The following CAMKMT variants were observed in gnomAD, a reference collection of about 807,000 sequenced individuals.
The protein encoded by CAMKMT is calmodulin-lysine N-methyltransferase.
CAMKMT carries 53 observed loss-of-function variants against 48.0 expected under a neutral mutation model. The ratio of observed to expected loss-of-function variants is 1.10; its 90% CI spans 0.89 to 1.39. The LOEUF (loss-of-function observed/expected upper bound fraction) is 1.39. CAMKMT is among the 40% of genes most tolerant of loss of function. The pLI, the probability that CAMKMT is intolerant of heterozygous loss-of-function variation, is 0.00. For missense variants in CAMKMT, 428 were observed against 402.7 expected (o/e 1.06, Z -0.54); for synonymous variants, 165 against 152.3 (o/e 1.08, Z -0.61).
rs149057813 is a variant in CAMKMT, at chr2:44,555,625, G to A, written c.377-148658G>A. On this transcript the variant is annotated intron_variant, in intron 3 of 10. Coordinates refer to ENST00000378494, the MANE Select transcript of CAMKMT (RefSeq NM_024766.5). ...CTTCAAATGAATGTGGGTTGAAGCC[G>A]TGAGAGTGGGTGAGATTAAGAAAAG... Among the ~76,000 whole-genome samples, 148 of 152,246 alleles carry A rather than the reference G, an allele frequency of 9.7e-4. 1 individual carries two copies. The highest frequency in any genetic ancestry group is 3.4e-3 in the Middle Eastern group (1 of 294).
Position 44,670,318 on chromosome 2 carries a change from C to G in CAMKMT, c.377-33965C>G, listed in dbSNP as rs147938617. 7.1e-3 allele frequency among the ~76,000 whole-genome samples: 1,086 copies of G among 152,178 alleles called. 6 individuals are homozygous for G. The highest frequency in any genetic ancestry group is 0.012 in the Non-Finnish European group (849 of 68,002). Reference sequence around the variant, plus strand: ...GACTGGGCTGGGTGTGGTGGCTCCACCTATAATCTCAATACTTTTGGAGGC... The same window carrying G: ...GACTGGGCTGGGTGTGGTGGCTCCAGCTATAATCTCAATACTTTTGGAGGC... On this transcript the variant is annotated intron_variant, in intron 3 of 10. Transcript: ENST00000378494.
intron 2 of CAMKMT, among the ~76,000 whole-genome samples, chr2:44,375,845 GC>G (rs1249886768): frequency 1.3e-5 from 2 of 151,956 alleles, no homozygotes; most frequent in African/African-American, 4.8e-5. Flanking sequence ...GAGTGCAGTA[GC>G]CCATTCTCAG....
chr2:44,640,312 C>T (rs761825721), intron 3 of CAMKMT, among the ~76,000 whole-genome samples: 1 of 152,032 alleles, frequency 6.6e-6, no homozygotes, highest in African/African-American at 2.4e-5. Flanking sequence ...GATTTTGTTC[C>T]CCTTTTATGT....
chr2:44,725,207 C>T (rs568303819), intron 7 of CAMKMT, among the ~76,000 whole-genome samples: 6 of 148,040 alleles, frequency 4.1e-5, no homozygotes, highest in Admixed American at 1.3e-4. Context: ...AGTGCTATAT[C>T]GGTCTTACAT....
At chr2:44,565,924 G>T (rs1199470588) in intron 3 of CAMKMT, among the ~76,000 whole-genome samples, 1 of 152,116 alleles carries the variant, frequency 6.6e-6, no homozygotes, top group Non-Finnish European at 1.5e-5. Context: ...CTACAATATT[G>T]TTTTGTCATG....
chr2:44,374,364 A>G (rs578233153), intron 2 of CAMKMT, among the ~76,000 whole-genome samples: 22 of 152,326 alleles, frequency 1.4e-4, no homozygotes, highest in African/African-American at 5.3e-4. Flanking sequence ...AGTGATCCTT[A>G]CAATAACTTT....
intron 3 of CAMKMT, among the ~76,000 whole-genome samples, chr2:44,566,340 G>C (rs918202249): frequency 3.9e-5 from 6 of 152,142 alleles, no homozygotes; most frequent in African/African-American, 1.4e-4. Context: ...TGTTGCTTTG[G>C]CTTTGTTCCA....
chr2:44,615,181 C>G (rs1477899293), intron 3 of CAMKMT, among the ~76,000 whole-genome samples: 1 of 151,972 alleles, frequency 6.6e-6, no homozygotes, highest in Admixed American at 6.6e-5. Context: ...CGACCTCAGC[C>G]TCCCAAAGCA....
chr2:44,363,039 C>G (rs1474395430), intron 1 of CAMKMT, among the ~76,000 whole-genome samples: 1 of 152,170 alleles, frequency 6.6e-6, no homozygotes, highest in African/African-American at 2.4e-5. Context: ...TGCCACTTTA[C>G]TTGAGATTGT....
At chr2:44,644,547 T>C (rs1326593852) in intron 3 of CAMKMT, among the ~76,000 whole-genome samples, 1 of 152,250 alleles carries the variant, frequency 6.6e-6, no homozygotes, top group Non-Finnish European at 1.5e-5. Context: ...AAGGCTTTTG[T>C]ATTTTCTTCA....
chr2:44,449,187 A>G (rs1472236839), intron 3 of CAMKMT, among the ~76,000 whole-genome samples: 2 of 152,152 alleles, frequency 1.3e-5, no homozygotes, highest in African/African-American at 4.8e-5. Context: ...GTTTTCCAAG[A>G]AGCAGGCTAG....
intron 3 of CAMKMT, among the ~76,000 whole-genome samples, chr2:44,501,487 G>C (rs1457973471): frequency 2.6e-5 from 4 of 152,134 alleles, no homozygotes; most frequent in Non-Finnish European, 5.9e-5. Flanking sequence ...ATTTGGAACA[G>C]GAGTGAAGAA....
intron 3 of CAMKMT, among the ~76,000 whole-genome samples, chr2:44,481,371 A>T (rs983989353): frequency 2.6e-5 from 4 of 152,050 alleles, no homozygotes; most frequent in Non-Finnish European, 5.9e-5. Flanking sequence ...TAGCATATTT[A>T]TAATAGCTAG....
At chr2:44,415,346 C>A (rs988270944) in intron 3 of CAMKMT, among the ~76,000 whole-genome samples, 2 of 152,140 alleles carry the variant, frequency 1.3e-5, no homozygotes, top group African/African-American at 2.4e-5. Context: ...AGGTTTAGTT[C>A]ACTACAGAGG....
At chr2:44,685,233 CTTATG>C (rs1302095037) in intron 3 of CAMKMT, among the ~76,000 whole-genome samples, 1 of 152,062 alleles carries the variant, frequency 6.6e-6, no homozygotes, top group Non-Finnish European at 1.5e-5. Context: ...AAGGTTTGCT[CTTATG>C]TTATGAATTC....
chr2:44,737,690 C>A (rs183772164), intron 7 of CAMKMT, among the ~76,000 whole-genome samples: 69 of 152,176 alleles, frequency 4.5e-4, no homozygotes, highest in South Asian at 1.9e-3. Flanking sequence ...CATGCATGAT[C>A]AGTCATCCAC....
At chr2:44,738,717 T>C (rs1311601330) in intron 7 of CAMKMT, among the ~76,000 whole-genome samples, 2 of 152,146 alleles carry the variant, frequency 1.3e-5, no homozygotes, top group Admixed American at 6.5e-5. Flanking sequence ...ATCAATAATT[T>C]AGTTATATTG....
chr2:44,707,384 C>T lies in CAMKMT; in HGVS notation c.493-15C>T, dbSNP rs781201601. 1 of 1,610,856 alleles carries T rather than the reference C, an allele frequency of 6.2e-7. No homozygotes were observed. Among genetic ancestry groups the T allele is most frequent in the South Asian group, 1.1e-5 (1 of 90,698 alleles). ...TATTTGCTCATTGTTTGCTGTGCTC[C>T]CTTTTTTTTTTCAGGTTGCTATTTC... On this transcript the variant is annotated splice_polypyrimidine_tract_variant and intron_variant, in intron 5 of 10. Transcript: ENST00000378494.
At chr2:44,714,872 C>A (rs1678085348) in intron 6 of CAMKMT, among the ~76,000 whole-genome samples, 1 of 152,170 alleles carries the variant, frequency 6.6e-6, no homozygotes. Context: ...TACAGCTCTT[C>A]TCCTTTCGCT....
Sources: gnomAD v4.1 joint callset for allele counts (sites outside exome capture counted in the v4.1 genomes callset) on GRCh38, gnomAD v4.1.1 for gene constraint, MANE v1.5 for transcripts, NCBI Gene and HGNC (gene_info 2026-07-23, HGNC 2026-07-21) for gene names.